Variants in PDLIM5 observed in about 807,000 individuals in gnomAD.
PDLIM5 encodes the protein PDZ and LIM domain protein 5.
In PDLIM5, 34 loss-of-function variants were observed where a neutral mutation model predicts 64.2. The ratio of observed to expected loss-of-function variants is 0.53; its 90% confidence interval spans 0.40 to 0.71. The LOEUF (loss-of-function observed/expected upper bound fraction) is 0.71, where lower values mean the gene tolerates loss of function less well. PDLIM5 is among the 30% of genes least tolerant of loss of function. The pLI is 0.00. For missense variants in PDLIM5, 683 were observed against 733.6 expected, an observed-to-expected ratio of 0.93 and a Z score of 0.80; for synonymous variants, 253 against 269.1, an observed-to-expected ratio of 0.94 and a Z score of 0.59.
Position 94,618,021 on chromosome 4 carries a change from C to T in PDLIM5, c.938C>T (p.Ser313Phe). 1 of 1,576,374 alleles carries T rather than the reference C, an allele frequency of 6.3e-7. No individual in the cohort carries two copies. The highest frequency in any genetic ancestry group is 8.6e-7 in the Non-Finnish European group (1 of 1,160,836). The change falls in exon 8 of 13, where the codon TCT (serine) becomes TTT (phenylalanine). Residue 313 changes from serine (S) to phenylalanine (F), a missense_variant. Physicochemically the swap from Ser to Phe is radical, Grantham distance 155. Transcript: ENST00000317968. ...CTTTACAGTAACTCTCAGGAGCCTT[C>T]TCCGCAGTTGGCTTCCTCGGTAGCT... ...TKKANNSQEP[S>F]PQLASSVAST...
intron 3 of PDLIM5, among the ~76,000 whole-genome samples, chr4:94,545,148 T>G (rs1732194510): frequency 1.3e-5 from 2 of 152,236 alleles, no homozygotes; most frequent in African/African-American, 4.8e-5. Flanking sequence ...TTTGATAGTT[T>G]GCCTAAATTA....
chr4:94,505,723 G>A (rs914654723), intron 2 of PDLIM5, among the ~76,000 whole-genome samples: 37 of 152,108 alleles, frequency 2.4e-4, no homozygotes, highest in African/African-American at 8.7e-4. Context: ...CAGTACAGAC[G>A]AACAGCCAGA....
chr4:94,648,782 C>T (rs771553313), intron 9 of PDLIM5, among the ~76,000 whole-genome samples: 6 of 152,164 alleles, frequency 3.9e-5, no homozygotes, highest in Non-Finnish European at 8.8e-5. Context: ...GACTGACGTC[C>T]TTATAGGCCG....
At chr4:94,601,524 A>G (rs1737496288) in intron 7 of PDLIM5, among the ~76,000 whole-genome samples, 1 of 152,176 alleles carries the variant, frequency 6.6e-6, no homozygotes, top group African/African-American at 2.4e-5. Context: ...GTAAGTGGGA[A>G]GCTCCTAGAA....
At chr4:94,469,888 G>A (rs540535853) in intron 2 of PDLIM5, among the ~76,000 whole-genome samples, 31 of 149,570 alleles carry the variant, frequency 2.1e-4, no homozygotes, top group Non-Finnish European at 3.4e-4. Context: ...TTTAGTTATA[G>A]TTCTAACACA....
At chr4:94,488,938 C>G (rs149526105) in intron 2 of PDLIM5, 1 of 152,338 alleles carries the variant, frequency 6.6e-6, no homozygotes, top group Admixed American at 6.5e-5. Context: ...AGCAGTACTA[C>G]GGAAGTGAAG....
At chr4:94,518,546 A>T (rs1028155603) in intron 2 of PDLIM5, among the ~76,000 whole-genome samples, 2 of 152,214 alleles carry the variant, frequency 1.3e-5, no homozygotes, top group East Asian at 3.8e-4. Flanking sequence ...GGGTAATTTT[A>T]GTTATAAATT....
At chr4:94,660,463 C>A (rs531736736) in intron 11 of PDLIM5, among the ~76,000 whole-genome samples, 20 of 152,070 alleles carry the variant, frequency 1.3e-4, no homozygotes, top group African/African-American at 4.1e-4. Flanking sequence ...AGTGTAGTGC[C>A]CCCCCCAATT....
At chr4:94,471,349 CTTAGAT>C (rs996009994) in intron 2 of PDLIM5, among the ~76,000 whole-genome samples, 1 of 151,628 alleles carries the variant, frequency 6.6e-6, no homozygotes, top group Admixed American at 6.6e-5. Context: ...AAGATTTTAT[CTTAGAT>C]TTAAAGTAAT....
intron 2 of PDLIM5, among the ~76,000 whole-genome samples, chr4:94,522,142 T>C (rs1048053766): frequency 2.0e-5 from 3 of 152,150 alleles, no homozygotes; most frequent in Non-Finnish European, 4.4e-5. Context: ...TAATCTGAGG[T>C]CAAGGGAATA....
chr4:94,495,655 A>G (rs1448490443), intron 2 of PDLIM5, among the ~76,000 whole-genome samples: 5 of 152,194 alleles, frequency 3.3e-5, no homozygotes, highest in African/African-American at 1.2e-4. Flanking sequence ...GATGCATATT[A>G]CTAAGGACAG....
chr4:94,494,462 G>T (rs1284852935), intron 2 of PDLIM5, among the ~76,000 whole-genome samples: 1 of 41,528 alleles, frequency 2.4e-5, no homozygotes, highest in African/African-American at 5.1e-5. Context: ...TTTTTGAGAC[G>T]GAATTTCACT....
chr4:94,644,203 C>G (rs181070493), intron 9 of PDLIM5, among the ~76,000 whole-genome samples: 1 of 152,204 alleles, frequency 6.6e-6, no homozygotes, highest in Non-Finnish European at 1.5e-5. Flanking sequence ...CCCTGTGAGA[C>G]AGTTGCTATG....
chr4:94,468,702 T>C lies in PDLIM5; in HGVS notation c.96+13318T>C, dbSNP rs78870961. ...ATTTAGGAAAAACATAATTGAGGTG[T>C]AGTCAAACTTAGTCCTTGTCGATTT... On this transcript the variant is annotated intron_variant, in intron 2 of 12. Transcript: ENST00000317968. 8.4e-3 allele frequency among the ~76,000 whole-genome samples: 1,273 copies of C among 152,324 alleles called. 15 individuals are homozygous for C. Among genetic ancestry groups the C allele is most frequent in the African/African-American group, 0.029 (1,210 of 41,580 alleles).
Position 94,575,688 on chromosome 4 carries a change from A to G in PDLIM5, c.364A>G (p.Asn122Asp), listed in dbSNP as rs752587800. The G allele has an allele frequency of 1.2e-6, 2 of 1,613,630 alleles. No homozygotes were observed. Among genetic ancestry groups the G allele is most frequent in the Admixed American group, 3.3e-5 (2 of 60,014 alleles). The change falls in exon 5 of 13, where the codon AAC becomes GAC. Residue 122 changes from asparagine to aspartate, a missense_variant. Coordinates refer to ENST00000317968, the MANE Select transcript of PDLIM5 (RefSeq NM_006457.5). ...PAVSKVTSTN[N>D]MAYNKAPRPF... is the part of the protein sequence containing the mutation. ...TGTGTCCAAAGTCACTTCCACAAAC[A>G]ACATGGCCTACAATAAGGCACCACG...
chr4:94,525,278 G>T (rs1305100080), intron 3 of PDLIM5, among the ~76,000 whole-genome samples: 1 of 152,064 alleles, frequency 6.6e-6, no homozygotes, highest in Admixed American at 6.6e-5. Flanking sequence ...AATTAGATGG[G>T]TGTGGTGGTG....
At chr4:94,476,060 C>T (rs982360546) in intron 2 of PDLIM5, among the ~76,000 whole-genome samples, 1 of 152,112 alleles carries the variant, frequency 6.6e-6, no homozygotes, top group African/African-American at 2.4e-5. Context: ...GAAGTTGTAT[C>T]GTTTCTAAGC....
chr4:94,632,204 T>C (rs1390185799), intron 8 of PDLIM5, among the ~76,000 whole-genome samples: 1 of 152,242 alleles, frequency 6.6e-6, no homozygotes, highest in Non-Finnish European at 1.5e-5. Context: ...GAAATCATGT[T>C]TGTCTTGTCC....
chr4:94,453,739 A>C (rs72667611), intron 1 of PDLIM5, among the ~76,000 whole-genome samples: 22 of 152,146 alleles, frequency 1.4e-4, no homozygotes, highest in Admixed American at 1.4e-3. Context: ...CAATTGAATT[A>C]TGTGTGGCTC....
Sources: gnomAD v4.1 joint callset for allele counts (sites outside exome capture counted in the v4.1 genomes callset) on GRCh38, gnomAD v4.1.1 for gene constraint, MANE v1.5 for transcripts, NCBI Gene and HGNC (gene_info 2026-07-23, HGNC 2026-07-21) for gene names.